Variants in DNAH10 observed in about 807,000 individuals in gnomAD.
The protein encoded by DNAH10 is axonemal beta dynein heavy chain 10.
In DNAH10, 348 loss-of-function variants were observed where a neutral mutation model predicts 506.6. The observed-to-expected ratio is 0.69, with a 90% CI of 0.63 to 0.75. The LOEUF (loss-of-function observed/expected upper bound fraction) is 0.75. Among genes scored for constraint, DNAH10 ranks in the 30% least tolerant of loss-of-function variants. The pLI is 0.00. For synonymous variants in DNAH10, 2,059 were observed against 2,198.6 expected (o/e 0.94, Z 1.78); for missense variants, 5,179 against 5,787.1 (o/e 0.89, Z 3.41).
chr12:123,792,747 C>T (rs766229272), intron 11 of DNAH10, among the ~76,000 whole-genome samples: 1 of 152,196 alleles, frequency 6.6e-6, no homozygotes, highest in Non-Finnish European at 1.5e-5. Context: ...AGGCATGAGC[C>T]ACCACACCCG....
chr12:123,847,965 T>A lies in DNAH10; in HGVS notation c.5819T>A (p.Leu1940Gln). Residue 1940 changes from leucine (L) to glutamine (Q), a missense_variant, in exon 33 of 79, where the codon CTG becomes CAG. Transcript: ENST00000673944. Reference protein sequence around the residue: ...DRIYLTLTQALSMYLGGAPAG... With the variant: ...DRIYLTLTQAQSMYLGGAPAG... ...TTTGCATTTGGCTTATAACAGGCGCTGTCCATGTATCTAGGTGGGGCCCCC... is the reference window on the plus strand; with the variant it reads ...TTTGCATTTGGCTTATAACAGGCGCAGTCCATGTATCTAGGTGGGGCCCCC... 6.2e-7 allele frequency: 1 copy of A among 1,609,460 alleles called. No individual in the cohort carries two copies.
intron 3 of DNAH10, among the ~76,000 whole-genome samples, chr12:123,771,935 C>CA (rs925848977): frequency 1.3e-5 from 2 of 151,860 alleles, no homozygotes; most frequent in Non-Finnish European, 2.9e-5. Flanking sequence ...TTAGACTCAG[C>CA]AAAAAAAGGA....
At position 123,859,051 on chromosome 12, in the gene DNAH10, T is replaced by C; in HGVS notation, c.6631-99T>C. The C allele has an allele frequency of 2.6e-6, 3 of 1,145,614 alleles. No individual in the cohort carries two copies. The South Asian group carries it at 4.2e-5, about 16-fold the overall frequency. The allele number at this position is 1,145,614 out of a possible 1,614,324, so 71.0% of individuals were successfully genotyped here. ...TACTGGAAACCATTGACTTGTACCCTTTCAAAGGTAAATTGTATGGCGTGT... is the reference window on the plus strand; with the variant it reads ...TACTGGAAACCATTGACTTGTACCCCTTCAAAGGTAAATTGTATGGCGTGT... On this transcript the variant is annotated intron_variant, in intron 37 of 78. Transcript: ENST00000673944.
intron 57 of DNAH10, among the ~76,000 whole-genome samples, chr12:123,904,900 C>T (rs1361432391): frequency 1.3e-5 from 2 of 152,138 alleles, no homozygotes; most frequent in African/African-American, 2.4e-5. Context: ...GCCACTGTGT[C>T]CTCTATCAGC....
At chr12:123,927,926 T>G in intron 69 of DNAH10, 5 of 168,928 alleles carry the variant, frequency 3.0e-5, no homozygotes, top group Non-Finnish European at 5.1e-5. Context: ...CAAGGCTTGA[T>G]TTGGGTGTTT....
chr12:123,805,473 G>A (rs1049109871), intron 18 of DNAH10, among the ~76,000 whole-genome samples: 2 of 152,150 alleles, frequency 1.3e-5, no homozygotes, highest in African/African-American at 4.8e-5. Flanking sequence ...CCTCTGACAC[G>A]CCAGACTCTG....
chr12:123,835,081 G>A (rs1221102116), intron 27 of DNAH10, among the ~76,000 whole-genome samples: 1 of 152,188 alleles, frequency 6.6e-6, no homozygotes, highest in Non-Finnish European at 1.5e-5. Context: ...CACTTTTTGA[G>A]TGTCTGGCAT....
chr12:123,907,452 C>A lies in DNAH10; in HGVS notation c.9816-1809C>A, dbSNP rs74691746. On this transcript the variant is annotated intron_variant, in intron 57 of 78. Transcript: ENST00000673944. This position sits in a 1 kb window ranked among gnomAD's most constrained non-coding sequence, Gnocchi z 4.4. ...ACATCTCCCTTTCTCTTGACTTGCA[C>A]CCTCCACATTTCACACACCTTGGTC... 0.018 allele frequency among the ~76,000 whole-genome samples: 2,715 copies of A among 152,274 alleles called. 82 individuals are homozygous for A. Among genetic ancestry groups the A allele is most frequent in the African/African-American group, 0.061 (2,534 of 41,536 alleles).
chr12:123,860,966 TGCATTTA>T, intron 38 of DNAH10, 39 bp from the exon 39 acceptor site: 1 of 1,613,308 alleles, frequency 6.2e-7, no homozygotes, highest in Non-Finnish European at 8.5e-7. Flanking sequence ...GTTTTCCTCA[TGCATTTA>T]GTTGTCTTGA....
At chr12:123,837,080 T>C (rs1961223735) in intron 28 of DNAH10, among the ~76,000 whole-genome samples, 1 of 150,056 alleles carries the variant, frequency 6.7e-6, no homozygotes, top group Non-Finnish European at 1.5e-5. Context: ...CTCAATCTCC[T>C]GACCTCATGA....
chr12:123,766,853 T>C (rs1350174496), intron 1 of DNAH10, among the ~76,000 whole-genome samples: 1 of 152,112 alleles, frequency 6.6e-6, no homozygotes, highest in East Asian at 1.9e-4. Flanking sequence ...ATGTAAATGT[T>C]AGTGTAGTTG....
intron 11 of DNAH10, among the ~76,000 whole-genome samples, chr12:123,792,918 A>G (rs1255277860): frequency 6.6e-6 from 1 of 152,150 alleles, no homozygotes; most frequent in Non-Finnish European, 1.5e-5. Flanking sequence ...GTAGCTTCCT[A>G]AGTAAGGTTT....
rs1049218679 is a variant in DNAH10 at position 123,871,561 on chromosome 12, A to G, written c.7744A>G (p.Thr2582Ala). 2.6e-6 allele frequency: 4 copies of G among 1,551,600 alleles called. No individual in the cohort carries two copies. The highest frequency in any genetic ancestry group is 1.4e-5 in the African/African-American group (1 of 73,090). Residue 2582 changes from threonine (T) to alanine (A), a missense_variant, in exon 45 of 79, where the codon ACT (threonine) becomes GCT (alanine). Around this residue, in one of 3 missense-constraint regions of DNAH10, gnomAD observed 4,844 missense variants for 5,430.5 expected, o/e 0.89. Transcript: ENST00000673944. ...VGESGTSKTA[T>A]TQNFLKNLSE... is the part of the protein sequence containing the mutation. The stretch of plus-strand genomic sequence containing the variant: ...TGAATCTGGCACTTCTAAGACAGCC[A>G]CTACCCAGAATTTCCTCAAAAATCT...
In DNAH10 at chr12:123,909,378, C is replaced by T; in HGVS notation, c.9933C>T (p.Phe3311=). The T allele has an allele frequency of 6.2e-7, 1 of 1,611,364 alleles. No homozygotes were observed. The change falls in exon 58 of 79, where the codon TTC becomes TTT. Residue 3311 remains phenylalanine (F), a synonymous_variant. Transcript: ENST00000673944. The surrounding 1 kb of genome is among the most constrained non-coding windows in gnomAD (Gnocchi z 5.4). ...TAKGVMSDPN[F]LRSLMEIDFD... is the part of the protein sequence containing the mutation. ...AGGGCGTGATGTCCGACCCGAATTT[C>T]CTGCGGTCTCTGATGGAGATTGATT...
chr12:123,825,269 G>T (rs1014164934), intron 24 of DNAH10, among the ~76,000 whole-genome samples: 1 of 152,200 alleles, frequency 6.6e-6, no homozygotes, highest in African/African-American at 2.4e-5. Flanking sequence ...AAGCCTAAAT[G>T]GAGCGAGTCC....
At position 123,790,064 on chromosome 12, in the gene DNAH10, C is replaced by G; in HGVS notation, c.1758C>G (p.Ser586Arg). Residue 586 changes from serine to arginine, a missense_variant, in exon 11 of 79, where the codon AGC becomes AGG. Ser to Arg is a moderately radical substitution (Grantham distance 110). Transcript: ENST00000673944. ...AAAACCTGACCTTTGACCCCTTCAG[C>G]ATCAAGTCCTCCCAGTTCTGGAAAT... ...PMENLTFDPFSIKSSQFWKYV... is the reference protein window; with the variant it reads ...PMENLTFDPFRIKSSQFWKYV... The G allele has an allele frequency of 6.2e-7, 1 of 1,614,174 alleles. No homozygotes were observed. The highest frequency in any genetic ancestry group is 8.5e-7 in the Non-Finnish European group (1 of 1,180,036).
At chr12:123,852,394 AAT>A (rs1162651651) in intron 35 of DNAH10, among the ~76,000 whole-genome samples, 3 of 152,290 alleles carry the variant, frequency 2.0e-5, no homozygotes, top group Non-Finnish European at 2.9e-5. Flanking sequence ...GCGTTTCTGC[AAT>A]ATGTCTTTTA....
intron 51 of DNAH10, among the ~76,000 whole-genome samples, chr12:123,885,206 A>G (rs1952678060): frequency 6.6e-6 from 1 of 152,252 alleles, no homozygotes; most frequent in African/African-American, 2.4e-5. Flanking sequence ...ATGTGCATTC[A>G]TACACAAACG....
intron 22 of DNAH10, 32 bp from the exon 23 acceptor site, chr12:123,819,116 G>C (rs1420187448): frequency 6.2e-7 from 1 of 1,605,536 alleles, no homozygotes; most frequent in Non-Finnish European, 8.5e-7. Flanking sequence ...AAACGTATTT[G>C]GGCTAAATTA....
Sources: allele counts gnomAD v4.1 joint callset (sites outside exome capture counted in the v4.1 genomes callset), GRCh38; gene constraint gnomAD v4.1.1; regional missense constraint gnomAD v4.1.1; non-coding constraint Gnocchi (gnomAD v3.1); transcripts MANE v1.5; gene names NCBI Gene and HGNC (gene_info 2026-07-23, HGNC 2026-07-21).